The following SH3GL3 variants were observed in gnomAD, a reference collection of about 807,000 sequenced individuals.
SH3GL3 encodes endophilin-A3.
Under a neutral mutation model 47.7 loss-of-function variants are expected in SH3GL3, and 33 were observed. The ratio of observed to expected loss-of-function variants is 0.69; its 90% CI spans 0.52 to 0.92. The LOEUF is 0.92. Ranked by LOEUF, SH3GL3 falls within the 40% of genes least tolerant of loss-of-function variation. The probability of loss-of-function intolerance (pLI) is 0.00; values close to 1 mark genes in which losing one functional copy is unlikely to be tolerated. For synonymous variants in SH3GL3, 155 were observed against 148.8 expected (o/e 1.04, Z -0.30); for missense variants, 363 against 417.8 (o/e 0.87, Z 1.14).
intron 1 of SH3GL3, among the ~76,000 whole-genome samples, chr15:83,494,548 CT>C (rs368373522): frequency 0.21 from 29,646 of 144,456 alleles, 3,116 homozygotes; most frequent in South Asian, 0.43. Context: ...CTTAGTCCCC[CT>C]TTTTTTTTTT....
At position 83,525,635 on chromosome 15, in the gene SH3GL3, T is replaced by C. The variant is rs142614705; in HGVS notation, c.46-33618T>C. Among the ~76,000 whole-genome samples the C allele has an allele frequency of 3.5e-4, 53 of 152,288 alleles. No individual in the cohort carries two copies. The East Asian group carries it at 9.5e-3, about 27-fold the overall frequency. ...GGAGTGTTTCCCCTGAGTTTTCTTC[T>C]GGTAGTTCATAGTTTGGGGTCTTAT... On this transcript the variant is annotated intron_variant, in intron 1 of 8. Coordinates refer to ENST00000427482, the MANE Select transcript of SH3GL3 (RefSeq NM_003027.5).
intron 1 of SH3GL3, among the ~76,000 whole-genome samples, chr15:83,550,958 CTGTT>C (rs1380665318): frequency 1.3e-5 from 2 of 152,138 alleles, no homozygotes; most frequent in East Asian, 3.9e-4. Context: ...GGCTTTCTTG[CTGTT>C]TAATTTCTTG....
At chr15:83,626,425 C>T in the SH3GL3 span, among the ~76,000 whole-genome samples, 2 of 152,180 alleles carry the variant, frequency 1.3e-5, no homozygotes, top group African/African-American at 4.8e-5. Context: ...GTGGGTCAAG[C>T]CAGGGGTGGT....
chr15:83,458,739 C>T (rs1446085639), intron 1 of SH3GL3, among the ~76,000 whole-genome samples: 16 of 152,222 alleles, frequency 1.1e-4, no homozygotes, highest in Admixed American at 3.3e-4. Flanking sequence ...CATCTCCTCT[C>T]ATTTTCTCAG....
intron 1 of SH3GL3, among the ~76,000 whole-genome samples, chr15:83,522,710 G>C (rs892915665): frequency 1.3e-5 from 2 of 152,168 alleles, no homozygotes; most frequent in Non-Finnish European, 2.9e-5. Flanking sequence ...GGTTGATAAA[G>C]AAGAGGCAAA....
At chr15:83,590,139 A>G (rs754331142) in intron 8 of SH3GL3, among the ~76,000 whole-genome samples, 9 of 152,078 alleles carry the variant, frequency 5.9e-5, no homozygotes, top group Non-Finnish European at 1.2e-4. Flanking sequence ...TTATTGTTTT[A>G]TAGGAGCTCT....
At chr15:83,568,751 T>A in intron 4 of SH3GL3, 79 bp downstream of exon 4, 6 of 1,019,194 alleles carry the variant, frequency 5.9e-6, no homozygotes, top group Non-Finnish European at 8.8e-6. Flanking sequence ...CCCTTCAGTC[T>A]AACAACCTTT....
chr15:83,629,406 A>G, the SH3GL3 span, among the ~76,000 whole-genome samples: 5 of 152,260 alleles, frequency 3.3e-5, no homozygotes, highest in Non-Finnish European at 7.3e-5. Context: ...ATGTAAAAGC[A>G]TGGTCAATTT....
At chr15:83,568,260 A>T (rs1256956792) in intron 3 of SH3GL3, among the ~76,000 whole-genome samples, 2 of 152,140 alleles carry the variant, frequency 1.3e-5, no homozygotes, top group Non-Finnish European at 2.9e-5. Context: ...TTGGGATTAC[A>T]GGTGTGAGCC....
At chr15:83,502,313 C>G (rs1252804362) in intron 1 of SH3GL3, among the ~76,000 whole-genome samples, 1 of 152,182 alleles carries the variant, frequency 6.6e-6, no homozygotes, top group Non-Finnish European at 1.5e-5. Flanking sequence ...CTTGGGTGCC[C>G]CAGGGCAAGT....
At chr15:83,493,804 C>G (rs1000510624) in intron 1 of SH3GL3, among the ~76,000 whole-genome samples, 1 of 152,182 alleles carries the variant, frequency 6.6e-6, no homozygotes, top group Non-Finnish European at 1.5e-5. Context: ...AGAGGTCAGG[C>G]CAGGTTGTGG....
chr15:83,568,753 A>G lies in SH3GL3; in HGVS notation c.331+81A>G, dbSNP rs1262276206. 10 of 1,009,018 alleles carry G rather than the reference A, an allele frequency of 9.9e-6. No homozygotes were observed. The East Asian group carries it at 2.2e-4, about 22-fold the overall frequency. 62.5% of individuals were successfully genotyped at this position (1,009,018 alleles called of 1,614,324 possible). ...GGTTATACACAAACCCTTCAGTCTAACAACCTTTGTTATTTTTCCATATTA... is the reference window on the plus strand; with the variant it reads ...GGTTATACACAAACCCTTCAGTCTAGCAACCTTTGTTATTTTTCCATATTA... On this transcript the variant is annotated intron_variant, in intron 4 of 8. Coordinates refer to ENST00000427482, the MANE Select transcript of SH3GL3 (RefSeq NM_003027.5).
chr15:83,507,241 C>T (rs2042550372), intron 1 of SH3GL3, among the ~76,000 whole-genome samples: 1 of 151,992 alleles, frequency 6.6e-6, no homozygotes, highest in Admixed American at 6.6e-5. Context: ...ATCTCCTGAC[C>T]TTGTGATCCG....
chr15:83,554,326 T>C (rs941328043), intron 1 of SH3GL3, among the ~76,000 whole-genome samples: 1 of 152,194 alleles, frequency 6.6e-6, no homozygotes, highest in African/African-American at 2.4e-5. Context: ...TAGCTGGGAT[T>C]ACAGGCATGC....
At chr15:83,607,345 A>G (rs1261632652) in intron 8 of SH3GL3, among the ~76,000 whole-genome samples, 1 of 152,238 alleles carries the variant, frequency 6.6e-6, no homozygotes, top group African/African-American at 2.4e-5. Flanking sequence ...TGCACCATCC[A>G]GAGGACTCTG....
chr15:83,580,546 C>G (rs1364641345), intron 6 of SH3GL3, among the ~76,000 whole-genome samples: 8 of 152,272 alleles, frequency 5.3e-5, no homozygotes, highest in African/African-American at 1.9e-4. Context: ...TGGGTTCTGA[C>G]CAATGGAGGA....
At chr15:83,514,359 A>G (rs1168160722) in intron 1 of SH3GL3, among the ~76,000 whole-genome samples, 3 of 152,158 alleles carry the variant, frequency 2.0e-5, no homozygotes, top group Non-Finnish European at 4.4e-5. Flanking sequence ...AAGGGGCATC[A>G]TATCCACAAT....
At chr15:83,573,406 G>A (rs974403995) in intron 5 of SH3GL3, among the ~76,000 whole-genome samples, 1 of 152,194 alleles carries the variant, frequency 6.6e-6, no homozygotes, top group Non-Finnish European at 1.5e-5. Flanking sequence ...GTGGTCCCTG[G>A]ACCAGCAACA....
chr15:83,590,364 C>A (rs2060063542), intron 8 of SH3GL3, among the ~76,000 whole-genome samples: 1 of 152,100 alleles, frequency 6.6e-6, no homozygotes. Context: ...ACATTTTGTG[C>A]CCTGTTGTGA....
Sources: gnomAD v4.1 joint callset for allele counts (sites outside exome capture counted in the v4.1 genomes callset) on GRCh38, gnomAD v4.1.1 for gene constraint, MANE v1.5 for transcripts, NCBI Gene and HGNC (gene_info 2026-07-23, HGNC 2026-07-21) for gene names.